Variants in DAB1 observed in about 807,000 individuals in gnomAD.
DAB1 encodes the protein DAB adaptor protein 1.
A neutral mutation model predicts 64.6 loss-of-function variants in DAB1; 15 were observed. That is an observed-to-expected ratio of 0.23 (90% CI 0.16 to 0.36). The LOEUF (loss-of-function observed/expected upper bound fraction) is 0.36, where lower values mean the gene tolerates loss of function less well. DAB1 is among the 10% of genes least tolerant of loss of function. The pLI is 1.00. For synonymous variants in DAB1, 235 were observed against 251.9 expected, an observed-to-expected ratio of 0.93 and a Z score of 0.64; for missense variants, 596 against 706.7, an observed-to-expected ratio of 0.84 and a Z score of 1.78.
chr1:57,766,331 A>G (rs1291527127), intron 6 of DAB1, among the ~76,000 whole-genome samples: 1 of 151,642 alleles, frequency 6.6e-6, no homozygotes, highest in African/African-American at 2.4e-5. Context: ...TCAGTCCTTC[A>G]TTCCTCTGCC....
At chr1:57,013,795 A>G (rs1314124053) in intron 12 of DAB1, among the ~76,000 whole-genome samples, 2 of 152,208 alleles carry the variant, frequency 1.3e-5, no homozygotes, top group African/African-American at 2.4e-5. Context: ...ACAAGTGTAC[A>G]TGTGCTCAAG....
chr1:57,016,220 A>G (rs1313800094), intron 11 of DAB1, among the ~76,000 whole-genome samples: 2 of 152,170 alleles, frequency 1.3e-5, no homozygotes, highest in African/African-American at 4.8e-5. Flanking sequence ...GAGCCATGTA[A>G]TAAATGGTAG....
chr1:57,638,390 G>C (rs75264130), intron 7 of DAB1, among the ~76,000 whole-genome samples: 4,030 of 152,250 alleles, frequency 0.026, 175 homozygotes, highest in African/African-American at 0.087. Context: ...TGGGCGAGGA[G>C]TGTCAGATGA....
At chr1:57,278,920 T>A (rs61767367) in intron 2 of DAB1, among the ~76,000 whole-genome samples, 15 of 152,338 alleles carry the variant, frequency 9.8e-5, no homozygotes, top group South Asian at 4.1e-4. Context: ...ATGATCTGAA[T>A]GAGAAAACAG....
At chr1:57,715,320 T>G (rs1647071770) in intron 6 of DAB1, among the ~76,000 whole-genome samples, 1 of 152,160 alleles carries the variant, frequency 6.6e-6, no homozygotes, top group South Asian at 2.1e-4. Flanking sequence ...ACAGCTAACA[T>G]CATAATGAAC....
intron 3 of DAB1, among the ~76,000 whole-genome samples, chr1:58,350,833 A>T (rs1400548729): frequency 6.6e-6 from 1 of 152,180 alleles, no homozygotes; most frequent in Admixed American, 6.5e-5. Flanking sequence ...TTTTGGTACC[A>T]GTACCATGCT....
At position 58,147,977 on chromosome 1, in the gene DAB1, G is replaced by C. The variant is rs1300219018; in HGVS notation, n.387+2534C>G. Among the ~76,000 whole-genome samples the C allele has an allele frequency of 2.6e-5, 3 of 113,826 alleles. No homozygotes were observed. The Admixed American group carries it at 2.8e-4, about 10-fold the overall frequency. 74.7% of individuals were successfully genotyped at this position (113,826 alleles called of 152,430 possible). On this transcript the variant is annotated intron_variant and non_coding_transcript_variant, in intron 5 of 20. Coordinates refer to the DAB1 transcript ENST00000485760. ...TGATATTTTACCAAGACATACTATA[G>C]CTGGAGAAAAAAAAAAAAAAAAGCA...
chr1:58,518,385 AAAG>A (rs1205723581), intron 2 of DAB1, among the ~76,000 whole-genome samples: 1 of 150,110 alleles, frequency 6.7e-6, no homozygotes, highest in Non-Finnish European at 1.5e-5. Context: ...GAAGAAAAGA[AAAG>A]AAAAAAGAAA....
intron 2 of DAB1, among the ~76,000 whole-genome samples, chr1:57,191,077 C>T (rs1049167948): frequency 7.9e-5 from 12 of 152,096 alleles, no homozygotes; most frequent in Admixed American, 3.9e-4. Context: ...ATGGTGCACA[C>T]GTATCTATCT....
At chr1:57,179,781 A>C (rs1662717145) in intron 2 of DAB1, among the ~76,000 whole-genome samples, 1 of 152,206 alleles carries the variant, frequency 6.6e-6, no homozygotes, top group Non-Finnish European at 1.5e-5. Flanking sequence ...TTAGCTATTG[A>C]ATTGAAATTG....
At chr1:57,151,604 T>A (rs1015458362) in intron 2 of DAB1, among the ~76,000 whole-genome samples, 71 of 152,246 alleles carry the variant, frequency 4.7e-4, no homozygotes, top group African/African-American at 1.6e-3. Flanking sequence ...TGTAAGATGA[T>A]ATTTCTCAGA....
At chr1:57,195,149 A>G (rs495875) in intron 2 of DAB1, among the ~76,000 whole-genome samples, 30,408 of 152,036 alleles carry the variant, frequency 0.2, 3,915 homozygotes, top group African/African-American at 0.33. Flanking sequence ...TACTGCTGAC[A>G]TAGCACTCTT....
intron 7 of DAB1, among the ~76,000 whole-genome samples, chr1:57,438,723 G>A (rs938350788): frequency 1.3e-5 from 2 of 152,008 alleles, no homozygotes; most frequent in Admixed American, 1.3e-4. Context: ...AATACATTTA[G>A]TTCTTTTTTT....
chr1:58,387,595 A>G (rs1407710051), intron 3 of DAB1, among the ~76,000 whole-genome samples: 1 of 152,186 alleles, frequency 6.6e-6, no homozygotes, highest in African/African-American at 2.4e-5. Flanking sequence ...AGCTGCACTC[A>G]GAAGAATAAA....
At chr1:57,955,214 T>A (rs772179897) in intron 5 of DAB1, among the ~76,000 whole-genome samples, 2 of 152,198 alleles carry the variant, frequency 1.3e-5, no homozygotes. Flanking sequence ...TGATGTGCCA[T>A]GAACCTTGAG....
intron 3 of DAB1, among the ~76,000 whole-genome samples, chr1:58,470,874 C>T (rs1006521536): frequency 6.6e-6 from 1 of 152,144 alleles, no homozygotes; most frequent in Non-Finnish European, 1.5e-5. Flanking sequence ...AGCGAACCTA[C>T]TGCCCCTGGA....
chr1:57,626,623 T>A (rs1279752856), intron 7 of DAB1, among the ~76,000 whole-genome samples: 1 of 152,132 alleles, frequency 6.6e-6, no homozygotes, highest in East Asian at 1.9e-4. Flanking sequence ...GGTTTATAAA[T>A]AATATAAATT....
chr1:57,496,249 T>G (rs1644228472), intron 7 of DAB1, among the ~76,000 whole-genome samples: 1 of 152,142 alleles, frequency 6.6e-6, no homozygotes, highest in Admixed American at 6.5e-5. Context: ...ACTCACACAT[T>G]TGGATAGACC....
Position 58,023,693 on chromosome 1 carries a change from A to G in DAB1, n.387+126818T>C, listed in dbSNP as rs113296252. ...AAGTCTCTTCCTACAAGTTTATTTT[A>G]AAATGTTGTGAGATAAACAACGATA... is the stretch of plus-strand genomic sequence containing the variant. On this transcript the variant is annotated intron_variant and non_coding_transcript_variant, in intron 5 of 20. Transcript: ENST00000485760. 1.1e-3 allele frequency among the ~76,000 whole-genome samples: 160 copies of G among 152,354 alleles called. 1 individual carries two copies. The highest frequency in any genetic ancestry group is 3.7e-3 in the African/African-American group (152 of 41,592).
Sources: allele counts gnomAD v4.1 joint callset (sites outside exome capture counted in the v4.1 genomes callset), GRCh38; gene constraint gnomAD v4.1.1; transcripts MANE v1.5; gene names NCBI Gene and HGNC (gene_info 2026-07-23, HGNC 2026-07-21).